The following QPCTL variants were observed in gnomAD, a reference collection of about 807,000 sequenced individuals.
The protein encoded by QPCTL is glutaminyl-peptide cyclotransferase like.
QPCTL carries 31 observed loss-of-function variants against 34.6 expected under a neutral mutation model. The ratio of observed to expected loss-of-function variants is 0.90; its 90% CI spans 0.67 to 1.21. The LOEUF is 1.21. Ranked by LOEUF, QPCTL falls within the 50% of genes most tolerant of loss-of-function variation. The probability of loss-of-function intolerance (pLI) is 0.00; values close to 1 mark genes in which losing one functional copy is unlikely to be tolerated. For missense variants in QPCTL, 474 were observed against 507.8 expected, an observed-to-expected ratio of 0.93 and a Z score of 0.64; for synonymous variants, 223 against 226.9, an observed-to-expected ratio of 0.98 and a Z score of 0.15.
Position 45,695,144 on chromosome 19 carries a change from G to A in QPCTL, c.352-293G>A, listed in dbSNP as rs181442344. Among the ~76,000 whole-genome samples the A allele has an allele frequency of 1.9e-3, 285 of 152,140 alleles. 3 individuals carry two copies. Among genetic ancestry groups the A allele is most frequent in the African/African-American group, 6.6e-3 (274 of 41,514 alleles). ...CTACTAAAAATACAAAAAATAGCCA[G>A]GCGTTGTAGGGGGCGCCTGTAACCC... On this transcript the variant is annotated intron_variant, in intron 2 of 6. Transcript: ENST00000012049.
In QPCTL at chr19:45,692,813, C is replaced by A. The variant is rs866401317; in HGVS notation, c.110C>A (p.Pro37His). The A allele has an allele frequency of 6.3e-7, 1 of 1,577,622 alleles. No individual in the cohort carries two copies. The highest frequency in any genetic ancestry group is 8.6e-7 in the Non-Finnish European group (1 of 1,161,586). ...CTGCTACCGCGGGTTCGGCTCTTGC[C>A]TCTGTTGCTGGCGCTGGCCGTGGGC... ...RRLLPRVRLL[P>H]LLLALAVGSA... Residue 37 changes from proline (P) to histidine (H), a missense_variant, in exon 1 of 7, where the codon CCT becomes CAT. Pro to His is a moderately conservative substitution (Grantham distance 77, BLOSUM62 -2). Coordinates refer to ENST00000012049, the MANE Select transcript of QPCTL (RefSeq NM_017659.4).
At chr19:45,698,197 T>C (rs1967736505) in intron 3 of QPCTL, among the ~76,000 whole-genome samples, 1 of 151,018 alleles carries the variant, frequency 6.6e-6, no homozygotes, top group South Asian at 2.1e-4. Flanking sequence ...TTGCAGTGAG[T>C]CAAGATTGCA....
chr19:45,698,504 T>C (rs1967745162), intron 3 of QPCTL, 43 bp from the exon 4 acceptor site: 1 of 1,610,334 alleles, frequency 6.2e-7, no homozygotes, highest in Non-Finnish European at 8.5e-7. Flanking sequence ...GGCTGAGGGC[T>C]AGTCCTGAGC....
At chr19:45,695,769 A>G (rs1158338770) in intron 3 of QPCTL, 51 bp downstream of exon 3, 5 of 1,505,916 alleles carry the variant, frequency 3.3e-6, no homozygotes, top group Non-Finnish European at 4.4e-6. Context: ...CCTTTTCCCA[A>G]GCCCCCACCC....
intron 1 of QPCTL, 89 bp from the exon 2 acceptor site, chr19:45,693,324 G>A (rs878917151): frequency 2.9e-5 from 42 of 1,457,484 alleles, no homozygotes; most frequent in South Asian, 4.0e-5. Context: ...GAGAACCCGG[G>A]GCTCCTCGCG....
At chr19:45,700,776 T>A (rs190250197) in intron 5 of QPCTL, among the ~76,000 whole-genome samples, 113 of 151,884 alleles carry the variant, frequency 7.4e-4, no homozygotes, top group African/African-American at 2.5e-3. Flanking sequence ...TTGGCCAATA[T>A]GGTGAAACCC....
At chr19:45,700,212 T>C (rs1040506525) in intron 5 of QPCTL, among the ~76,000 whole-genome samples, 3 of 151,924 alleles carry the variant, frequency 2.0e-5, no homozygotes, top group African/African-American at 4.8e-5. Context: ...TTTGGGAGAC[T>C]AAGGTAGGTG....
chr19:45,694,239 C>T (rs1388589062), intron 2 of QPCTL, among the ~76,000 whole-genome samples: 8 of 151,826 alleles, frequency 5.3e-5, no homozygotes, highest in Non-Finnish European at 1.0e-4. Flanking sequence ...ATTAGCCAGG[C>T]GTGGTGGTGG....
intron 2 of QPCTL, 102 bp downstream of exon 2, chr19:45,693,658 G>A (rs577569185): frequency 1.4e-6 from 2 of 1,461,582 alleles, no homozygotes; most frequent in Admixed American, 2.4e-5. Flanking sequence ...AGGAACTGGG[G>A]CTCTGACTGG....
chr19:45,700,766 T>C (rs1031686124), intron 5 of QPCTL, among the ~76,000 whole-genome samples: 2 of 151,552 alleles, frequency 1.3e-5, no homozygotes, highest in Non-Finnish European at 2.9e-5. Flanking sequence ...CGAGACCAGC[T>C]TGGCCAATAT....
At position 45,692,921 on chromosome 19, in the gene QPCTL, G is replaced by A. The variant is rs1348656833; in HGVS notation, c.207+11G>A. ...GGCCGGGAGCTGCGGGTGAGGCTGG[G>A]CGGGGACCCGGGCACCGCGGGGACC... On this transcript the variant is annotated intron_variant, in intron 1 of 6. Coordinates refer to ENST00000012049, the MANE Select transcript of QPCTL (RefSeq NM_017659.4). 2 of 1,532,570 alleles carry A rather than the reference G, an allele frequency of 1.3e-6. No individual in the cohort carries two copies. The highest frequency in any genetic ancestry group is 2.0e-5 in the Admixed American group (1 of 49,892). The allele number at this position is 1,532,570 out of a possible 1,614,324, so 94.9% of individuals were successfully genotyped here.
Position 45,695,732 on chromosome 19 carries a change from G to A in QPCTL, c.633+14G>A. The A allele has an allele frequency of 1.3e-6, 2 of 1,582,192 alleles. No individual in the cohort carries two copies. The highest frequency in any genetic ancestry group is 4.6e-5 in the East Asian group (2 of 43,788). ...GCCAAAAAACAGGTGAGGAGCAGGA[G>A]TCGGGGAGGGTAGTGGGCTACCTCC... On this transcript the variant is annotated intron_variant, in intron 3 of 6. Transcript: ENST00000012049.
intron 1 of QPCTL, 117 bp from the exon 2 acceptor site, chr19:45,693,296 G>C: frequency 2.3e-6 from 3 of 1,327,990 alleles, no homozygotes; most frequent in Non-Finnish European, 3.1e-6. Context: ...TCCGATGCTG[G>C]AGGCGGCAGA....
intron 1 of QPCTL, among the ~76,000 whole-genome samples, chr19:45,693,168 C>T (rs1967608347): frequency 6.6e-6 from 1 of 152,038 alleles, no homozygotes; most frequent in African/African-American, 2.4e-5. Flanking sequence ...TGGAAGAGTC[C>T]CTTCCTCCAT....
At chr19:45,702,554 A>G (rs1377747255) in intron 6 of QPCTL, among the ~76,000 whole-genome samples, 1 of 151,956 alleles carries the variant, frequency 6.6e-6, no homozygotes, top group Admixed American at 6.6e-5. Flanking sequence ...ACCTGAGGTC[A>G]GTAGTTTGAG....
Position 45,692,800 on chromosome 19 carries a change from G to T in QPCTL, c.97G>T (p.Val33Phe). Residue 33 changes from valine (V) to phenylalanine (F), a missense_variant, in exon 1 of 7, where the codon GTT becomes TTT. Transcript: ENST00000012049. ...GCCGAAGCGCCGCCTGCTACCGCGG[G>T]TTCGGCTCTTGCCTCTGTTGCTGGC... ...LPPKRRLLPR[V>F]RLLPLLLALA... is the part of the protein sequence containing the mutation. 6.3e-7 allele frequency: 1 copy of T among 1,581,148 alleles called. No homozygotes were observed. The highest frequency in any genetic ancestry group is 1.7e-4 in the Middle Eastern group (1 of 5,954).
Position 45,703,020 on chromosome 19 carries a change from G to A in QPCTL, c.1120G>A (p.Val374Met). 6.2e-7 allele frequency: 1 copy of A among 1,614,190 alleles called. No individual in the cohort carries two copies. Among genetic ancestry groups the A allele is most frequent in the South Asian group, 1.1e-5 (1 of 91,090 alleles). The part of the protein sequence containing the change: ...TVHNLCRILA[V>M]FLAEYLGL ...ACACAACTTGTGCCGCATTCTCGCTGTGTTCCTGGCTGAATACCTGGGGCT... is the reference window on the plus strand; with the variant it reads ...ACACAACTTGTGCCGCATTCTCGCTATGTTCCTGGCTGAATACCTGGGGCT... The change falls in exon 7 of 7, where the codon GTG (valine) becomes ATG (methionine). Residue 374 changes from valine (V) to methionine (M), a missense_variant. Coordinates refer to ENST00000012049, the MANE Select transcript of QPCTL (RefSeq NM_017659.4).
Position 45,692,926 on chromosome 19 carries a change from G to A in QPCTL, c.207+16G>A, listed in dbSNP as rs571392445. On this transcript the variant is annotated intron_variant, in intron 1 of 6. Coordinates refer to ENST00000012049, the MANE Select transcript of QPCTL (RefSeq NM_017659.4). The stretch of plus-strand genomic sequence containing the variant: ...GGAGCTGCGGGTGAGGCTGGGCGGG[G>A]ACCCGGGCACCGCGGGGACCCTCAT... 184 of 1,531,660 alleles carry A rather than the reference G, an allele frequency of 1.2e-4. 2 individuals are homozygous for A. In the African/African-American group the frequency reaches 2.2e-3, roughly 19 times the overall value. 94.9% of individuals were successfully genotyped at this position (1,531,660 alleles called of 1,614,324 possible). A position where few individuals can be genotyped will look rare whatever the true frequency, so the allele number is the denominator to read the frequency against.
intron 3 of QPCTL, among the ~76,000 whole-genome samples, chr19:45,696,450 G>C (rs752903197): frequency 1.3e-5 from 2 of 152,038 alleles, no homozygotes; most frequent in African/African-American, 2.4e-5. Flanking sequence ...AATTAGCCAG[G>C]CTTGGTGGTG....
Sources: gnomAD v4.1 joint callset for allele counts (sites outside exome capture counted in the v4.1 genomes callset) on GRCh38, gnomAD v4.1.1 for gene constraint, MANE v1.5 for transcripts, NCBI Gene and HGNC (gene_info 2026-07-23, HGNC 2026-07-21) for gene names.